Variants in ANK3 observed in about 807,000 individuals in gnomAD.
ANK3 encodes ankyrin-3.
A neutral mutation model predicts 370.9 loss-of-function variants in ANK3; 57 were observed. The observed-to-expected ratio is 0.15, with a 90% confidence interval of 0.12 to 0.19. The LOEUF is 0.19. Ranked by LOEUF, ANK3 falls within the 10% of genes least tolerant of loss-of-function variation. ANK3 has a pLI of 1.00. For synonymous variants in ANK3, 1,929 were observed against 1,946.3 expected (o/e 0.99, Z 0.23); for missense variants, 4,439 against 5,302.1 (o/e 0.84, Z 5.06).
rs899181117 is a variant in ANK3 at position 60,086,763 on chromosome 10, G to A, written c.3662C>T (p.Pro1221Leu). Reference protein sequence around the residue: ...KFHKPITMTIPVPPPSGEGVS... With the variant: ...KFHKPITMTILVPPPSGEGVS... Reference sequence around the variant, plus strand: ...ACCTTCTCCTGAGGGCGGGGGCACCGGAATGGTCATTGTGATTGGTTTATG... The same window carrying A: ...ACCTTCTCCTGAGGGCGGGGGCACCAGAATGGTCATTGTGATTGGTTTATG... The change falls in exon 30 of 44, where the codon CCG becomes CTG. Residue 1221 changes from proline to leucine, a missense_variant. By Grantham distance (98) the Pro-to-Leu change is moderately conservative. Around this residue, in one of 13 missense-constraint regions of ANK3, gnomAD observed 702 missense variants for 941.5 expected, o/e 0.75. Transcript: ENST00000280772. The A allele has an allele frequency of 3.1e-6, 5 of 1,613,966 alleles. No homozygotes were observed. The highest frequency in any genetic ancestry group is 1.1e-5 in the South Asian group (1 of 91,062).
At chr10:60,559,063 C>A (rs1407310268) in intron 2 of ANK3, among the ~76,000 whole-genome samples, 1 of 152,144 alleles carries the variant, frequency 6.6e-6, no homozygotes, top group Non-Finnish European at 1.5e-5. Flanking sequence ...TATTCTTATG[C>A]TAGCAATGCT....
chr10:60,678,523 T>A (rs1297858561), intron 1 of ANK3, among the ~76,000 whole-genome samples: 3 of 152,202 alleles, frequency 2.0e-5, no homozygotes, highest in Non-Finnish European at 1.5e-5. Context: ...TTATTTTCCT[T>A]GGAATTAAGA....
chr10:60,288,087 C>T (rs2132738554), intron 1 of ANK3, among the ~76,000 whole-genome samples: 1 of 152,226 alleles, frequency 6.6e-6, no homozygotes, highest in African/African-American at 2.4e-5. Context: ...CTTTTTATTC[C>T]TCAACTGCCC....
At chr10:60,257,025 T>C (rs1381505276) in intron 7 of ANK3, among the ~76,000 whole-genome samples, 2 of 152,220 alleles carry the variant, frequency 1.3e-5, no homozygotes, top group African/African-American at 4.8e-5. Context: ...TTTAAGTTCT[T>C]TGAGAAATCT....
At position 60,436,088 on chromosome 10, in the gene ANK3, C is replaced by CAAA. The variant is rs33919087; in HGVS notation, c.97-156452_97-156450dup. 1.6e-3 allele frequency among the ~76,000 whole-genome samples: 227 copies of CAAA among 145,178 alleles called. 3 individuals are homozygous for CAAA. In the South Asian group the frequency reaches 0.031, roughly 20 times the overall value. On this transcript the variant is annotated intron_variant, in intron 2 of 43. Transcript: ENST00000373827. ...GGGCGACAAGAACGAGACTCCGTCT[C>CAAA]AAAAAAAAATAAATAAATAAATAAA...
rs1043683022 is a variant in ANK3 at position 60,379,605 on chromosome 10, T to G, written c.114+9820A>C. Among the ~76,000 whole-genome samples, 35 of 151,812 alleles carry G rather than the reference T, an allele frequency of 2.3e-4. 1 individual carries two copies. Among genetic ancestry groups the G allele is most frequent in the Non-Finnish European group, 1.5e-5 (1 of 67,948 alleles). ...ATGGGGGACTTCATGTTAAGTGAAA[T>G]AAGCCAGGAACAGGAAGTTACACAC... On this transcript the variant is annotated intron_variant, in intron 1 of 43. Transcript: ENST00000280772.
chr10:60,694,633 T>C (rs913804332), intron 1 of ANK3, among the ~76,000 whole-genome samples: 1 of 152,188 alleles, frequency 6.6e-6, no homozygotes, highest in African/African-American at 2.4e-5. Flanking sequence ...CAGAATTTCA[T>C]ATCCAGCAAA....
At chr10:60,425,085 A>G (rs7074460) in intron 2 of ANK3, among the ~76,000 whole-genome samples, 115,900 of 151,876 alleles carry the variant, frequency 0.76, 44,294 homozygotes, top group South Asian at 0.92. Flanking sequence ...AAATTCAAGT[A>G]AGGTGAAATA....
chr10:60,335,433 A>G (rs1026817821), intron 1 of ANK3, among the ~76,000 whole-genome samples: 6 of 152,052 alleles, frequency 3.9e-5, no homozygotes, highest in Admixed American at 1.3e-4. Context: ...TTTCTAGACC[A>G]TCTATAAAAT....
At chr10:60,306,790 A>G (rs868087463) in intron 1 of ANK3, among the ~76,000 whole-genome samples, 1 of 152,242 alleles carries the variant, frequency 6.6e-6, no homozygotes, top group Non-Finnish European at 1.5e-5. Flanking sequence ...TGCTGTGTCT[A>G]GAATTCATAA....
At chr10:60,683,862 T>C (rs1485400116) in intron 1 of ANK3, among the ~76,000 whole-genome samples, 2 of 152,104 alleles carry the variant, frequency 1.3e-5, no homozygotes, top group African/African-American at 4.8e-5. Context: ...AAGGTAGGCA[T>C]GCAGGAAGAA....
chr10:60,211,755 T>G (rs1468051858), intron 9 of ANK3, among the ~76,000 whole-genome samples: 3 of 152,002 alleles, frequency 2.0e-5, no homozygotes, highest in Admixed American at 6.6e-5. Flanking sequence ...AACCTAATTG[T>G]GACATTAAAG....
At chr10:60,411,212 T>C (rs1433994397) in intron 2 of ANK3, among the ~76,000 whole-genome samples, 1 of 152,210 alleles carries the variant, frequency 6.6e-6, no homozygotes, top group Non-Finnish European at 1.5e-5. Context: ...GCAGTTAGGT[T>C]ACACTGACTC....
At chr10:60,116,009 A>T (rs1476144078) in intron 25 of ANK3, among the ~76,000 whole-genome samples, 1 of 152,160 alleles carries the variant, frequency 6.6e-6, no homozygotes, top group Non-Finnish European at 1.5e-5. Context: ...GACAGAGAGA[A>T]TAAGAGAAAA....
intron 32 of ANK3, 51 bp downstream of exon 32, chr10:60,084,551 C>T: frequency 6.9e-7 from 1 of 1,453,506 alleles, no homozygotes; most frequent in South Asian, 1.1e-5. Context: ...AAAATAAAAC[C>T]TCATATCTGG....
At chr10:60,447,692 T>A (rs535612480) in intron 2 of ANK3, among the ~76,000 whole-genome samples, 1 of 152,234 alleles carries the variant, frequency 6.6e-6, no homozygotes, top group African/African-American at 2.4e-5. Flanking sequence ...ACCAAACTAG[T>A]CTCTTGCCCT....
At position 60,295,790 on chromosome 10, in the gene ANK3, A is replaced by G. The variant is rs569648708; in HGVS notation, c.115-16151T>C. ...TTAATCATTAATTTATTTTAAATTA[A>G]CAATGGCAATCTTGTTACATGCTAA... is the stretch of plus-strand genomic sequence containing the variant. On this transcript the variant is annotated intron_variant, in intron 1 of 43. Coordinates refer to ENST00000280772, the MANE Select transcript of ANK3 (RefSeq NM_020987.5). Among the ~76,000 whole-genome samples the G allele has an allele frequency of 8.5e-5, 13 of 152,364 alleles. No homozygotes were observed. The South Asian group carries it at 2.5e-3, about 29-fold the overall frequency.
intron 2 of ANK3, among the ~76,000 whole-genome samples, chr10:60,432,823 T>G (rs1358706520): frequency 6.6e-6 from 1 of 152,142 alleles, no homozygotes; most frequent in Admixed American, 6.5e-5. Context: ...CCAAGTGAAA[T>G]TATCCCACTG....
At chr10:60,308,609 A>G (rs79430609) in intron 1 of ANK3, among the ~76,000 whole-genome samples, 4,877 of 152,114 alleles carry the variant, frequency 0.032, 265 homozygotes, top group African/African-American at 0.11. Context: ...TGTTGGGACC[A>G]TGAGGTCAAG....
Sources: allele counts gnomAD v4.1 joint callset (sites outside exome capture counted in the v4.1 genomes callset), GRCh38; gene constraint gnomAD v4.1.1; regional missense constraint gnomAD v4.1.1; transcripts MANE v1.5; gene names NCBI Gene and HGNC (gene_info 2026-07-23, HGNC 2026-07-21).